The following MARCHF1 variants were observed in gnomAD, a reference collection of about 807,000 sequenced individuals.
MARCHF1 encodes membrane associated ring-CH-type finger 1.
Under a neutral mutation model 54.2 loss-of-function variants are expected in MARCHF1, and 40 were observed. The observed-to-expected ratio is 0.74, with a 90% CI of 0.57 to 0.96. MARCHF1 has a LOEUF of 0.96. Among genes scored for constraint, MARCHF1 ranks in the 40% least tolerant of loss-of-function variants. The pLI is 0.00. For synonymous variants in MARCHF1, 236 were observed against 236.3 expected (o/e 1.00, Z 0.01); for missense variants, 586 against 656.5 (o/e 0.89, Z 1.17).
intron 8 of MARCHF1, among the ~76,000 whole-genome samples, chr4:163,578,864 C>G (rs1344265825): frequency 1.3e-5 from 2 of 152,038 alleles, no homozygotes; most frequent in Non-Finnish European, 2.9e-5. Flanking sequence ...GTATATAATA[C>G]AGTAAGTTGA....
chr4:163,952,345 T>A (rs992627201), intron 3 of MARCHF1, among the ~76,000 whole-genome samples: 1 of 152,188 alleles, frequency 6.6e-6, no homozygotes, highest in South Asian at 2.1e-4. Flanking sequence ...CATATTTTTA[T>A]AAAATTTACT....
At chr4:163,549,991 T>C (rs190766294) in intron 8 of MARCHF1, among the ~76,000 whole-genome samples, 28 of 152,260 alleles carry the variant, frequency 1.8e-4, no homozygotes, top group African/African-American at 5.8e-4. Flanking sequence ...TTGTATAACA[T>C]AAAAATGCAG....
At chr4:164,233,656 C>A (rs1327518834) in intron 1 of MARCHF1, among the ~76,000 whole-genome samples, 1 of 152,112 alleles carries the variant, frequency 6.6e-6, no homozygotes, top group Non-Finnish European at 1.5e-5. Context: ...AGGTTCTAAT[C>A]CTCCAAGTGT....
chr4:164,113,883 C>T (rs1442504112), intron 1 of MARCHF1, among the ~76,000 whole-genome samples: 3 of 145,250 alleles, frequency 2.1e-5, no homozygotes, highest in African/African-American at 7.5e-5. Flanking sequence ...GGGTGACCCA[C>T]TCATTTTAAA....
intron 5 of MARCHF1, among the ~76,000 whole-genome samples, chr4:163,658,208 G>GA (rs1158399561): frequency 6.8e-6 from 1 of 147,172 alleles, no homozygotes; most frequent in Non-Finnish European, 1.5e-5. Flanking sequence ...AAATTTACAA[G>GA]AAAAAAACAA....
chr4:164,153,734 CTCT>C (rs1730004389), intron 1 of MARCHF1, among the ~76,000 whole-genome samples: 1 of 152,100 alleles, frequency 6.6e-6, no homozygotes, highest in South Asian at 2.1e-4. Context: ...AAAAAGCTAT[CTCT>C]TCTTGTGCAT....
intron 5 of MARCHF1, among the ~76,000 whole-genome samples, chr4:163,634,172 G>T (rs1328488825): frequency 6.6e-6 from 1 of 152,068 alleles, no homozygotes; most frequent in African/African-American, 2.4e-5. Flanking sequence ...TAGAGACTAG[G>T]AAGAAACTGC....
At chr4:163,829,220 A>G (rs1392498807) in intron 4 of MARCHF1, 1 of 152,120 alleles carries the variant, frequency 6.6e-6, no homozygotes, top group Non-Finnish European at 1.5e-5. Flanking sequence ...TATGCCGTGG[A>G]TTTTCTAAAA....
chr4:164,379,446 C>A (rs993171305), intron 1 of MARCHF1, among the ~76,000 whole-genome samples: 3 of 152,106 alleles, frequency 2.0e-5, no homozygotes, highest in African/African-American at 7.2e-5. Context: ...GTAGAGCTAT[C>A]TATGAGAAGA....
chr4:163,647,350 G>T (rs1402869950), intron 5 of MARCHF1, among the ~76,000 whole-genome samples: 1 of 151,982 alleles, frequency 6.6e-6, no homozygotes, highest in African/African-American at 2.4e-5. Context: ...ACAATGGATA[G>T]ATCATCCAGA....
intron 5 of MARCHF1, among the ~76,000 whole-genome samples, chr4:163,681,304 G>A (rs1744094794): frequency 6.6e-6 from 1 of 152,158 alleles, no homozygotes; most frequent in African/African-American, 2.4e-5. Context: ...TTGGGAGAAT[G>A]TTTCCATCTA....
At chr4:163,977,156 A>T (rs1334286674) in intron 3 of MARCHF1, among the ~76,000 whole-genome samples, 3 of 151,410 alleles carry the variant, frequency 2.0e-5, no homozygotes, top group Non-Finnish European at 4.4e-5. Flanking sequence ...TATAAAATAT[A>T]TAATAATTGT....
chr4:163,894,554 C>A (rs1750733166), intron 3 of MARCHF1, among the ~76,000 whole-genome samples: 1 of 37,994 alleles, frequency 2.6e-5, no homozygotes, highest in Admixed American at 2.8e-4. Flanking sequence ...TCTACTCCTG[C>A]ACATGCATAT....
intron 2 of MARCHF1, among the ~76,000 whole-genome samples, chr4:164,014,080 T>C (rs1364464159): frequency 6.6e-6 from 1 of 151,726 alleles, no homozygotes; most frequent in Non-Finnish European, 1.5e-5. Flanking sequence ...TACTCCCAGC[T>C]ACTTGGGAGG....
chr4:164,105,195 G>T (rs1446603448), intron 2 of MARCHF1, among the ~76,000 whole-genome samples: 2 of 98,692 alleles, frequency 2.0e-5, no homozygotes, highest in African/African-American at 6.8e-5. Flanking sequence ...ACTGCCCAAG[G>T]TAATTTACAG....
intron 1 of MARCHF1, chr4:164,189,189 AAAG>A (rs1731057985): frequency 1.8e-6 from 1 of 559,276 alleles, no homozygotes; most frequent in African/African-American, 1.9e-5. Context: ...AGTTGTACAA[AAAG>A]AAGACTGACA....
At chr4:164,205,818 T>C (rs556968906) in intron 1 of MARCHF1, among the ~76,000 whole-genome samples, 81 of 152,200 alleles carry the variant, frequency 5.3e-4, no homozygotes, top group African/African-American at 1.9e-3. Context: ...GAAAAATAAT[T>C]TGTAAGGTAG....
At chr4:163,883,497 G>A (rs993891240) in intron 3 of MARCHF1, among the ~76,000 whole-genome samples, 1 of 151,966 alleles carries the variant, frequency 6.6e-6, no homozygotes, top group Non-Finnish European at 1.5e-5. Context: ...CTTAATAATT[G>A]CTATGAAAAA....
At chr4:163,946,475 AC>A (rs1752029087) in intron 3 of MARCHF1, among the ~76,000 whole-genome samples, 1 of 152,134 alleles carries the variant, frequency 6.6e-6, no homozygotes, top group East Asian at 1.9e-4. Flanking sequence ...GTATTTTTGC[AC>A]CTATCCAACA....
Sources: allele counts gnomAD v4.1 joint callset (sites outside exome capture counted in the v4.1 genomes callset), GRCh38; gene constraint gnomAD v4.1.1; transcripts MANE v1.5; gene names NCBI Gene and HGNC (gene_info 2026-07-23, HGNC 2026-07-21).